Variants in RNF14 observed in about 807,000 individuals in gnomAD.
RNF14 encodes the protein ring finger protein 14.
RNF14 carries 26 observed loss-of-function variants against 52.6 expected under a neutral mutation model. The observed-to-expected ratio is 0.49, with a 90% CI of 0.36 to 0.69. RNF14 has a LOEUF of 0.69. RNF14 is among the 30% of genes least tolerant of loss of function. RNF14 has a pLI of 0.00. For synonymous variants in RNF14, 194 were observed against 202.0 expected (o/e 0.96, Z 0.34); for missense variants, 404 against 560.4 (o/e 0.72, Z 2.82).
At chr5:141,986,585 G>A (rs6887148) in intron 8 of RNF14, among the ~76,000 whole-genome samples, 1 of 152,152 alleles carries the variant, frequency 6.6e-6, no homozygotes, top group Non-Finnish European at 1.5e-5. Flanking sequence ...TTTATCCTTG[G>A]CCCTGGAGAA....
At chr5:141,974,768 C>T (rs376977493) in intron 3 of RNF14, 36 bp from the exon 4 acceptor site, 77 of 1,608,334 alleles carry the variant, frequency 4.8e-5, no homozygotes, top group East Asian at 6.7e-5. Flanking sequence ...CAAGTGTTGA[C>T]CAACTGATCC....
chr5:141,979,229 G>GTT (rs200221577), intron 5 of RNF14, among the ~76,000 whole-genome samples: 2,200 of 36,584 alleles, frequency 0.06, 55 homozygotes, highest in African/African-American at 0.2. Flanking sequence ...CTTAGGTGGT[G>GTT]GTGGTGTTGT....
rs771553634 is a variant in RNF14 at position 141,980,145 on chromosome 5, A to C, written c.857A>C (p.Glu286Ala). Reference protein sequence around the residue: ...PGQVKELVEAELFARYDRLLL... With the variant: ...PGQVKELVEAALFARYDRLLL... ...CAGGTCAAAGAGTTAGTGGAAGCAGAGTTATTTGCCCGTTATGACCGCCTT... is the reference window on the plus strand; with the variant it reads ...CAGGTCAAAGAGTTAGTGGAAGCAGCGTTATTTGCCCGTTATGACCGCCTT... Residue 286 changes from glutamate (E) to alanine (A), a missense_variant, in exon 6 of 9, where the codon GAG (glutamate) becomes GCG (alanine). Physicochemically the swap from Glu to Ala is moderately radical, Grantham distance 107. Transcript: ENST00000394520. 1.9e-6 allele frequency: 3 copies of C among 1,614,122 alleles called. No individual in the cohort carries two copies. The highest frequency in any genetic ancestry group is 2.5e-6 in the Non-Finnish European group (3 of 1,179,984).
rs528620332 is a variant in RNF14, at chr5:141,960,451, G to A, written c.-181+2026G>A. Among the ~76,000 whole-genome samples, 75 of 152,348 alleles carry A rather than the reference G, an allele frequency of 4.9e-4. No individual in the cohort carries two copies. The South Asian group carries it at 0.014, about 28-fold the overall frequency. On this transcript the variant is annotated intron_variant, in intron 1 of 4. Coordinates refer to the RNF14 transcript ENST00000506822. ...CAGGGGCAAAATGGGCAAAGGCCCC[G>A]AAGTGGGCAGGCTGGCTCCTGGCTG...
upstream of RNF14, among the ~76,000 whole-genome samples, chr5:141,967,436 C>T (rs552973255): frequency 5.2e-4 from 79 of 152,328 alleles, 1 homozygote; most frequent in South Asian, 0.015. Flanking sequence ...GTAGTATACA[C>T]TGCACCCTAT....
chr5:141,975,829 G>C lies in RNF14; in HGVS notation c.306+874G>C, dbSNP rs144068459. 3.7e-3 allele frequency among the ~76,000 whole-genome samples: 559 copies of C among 152,092 alleles called. 3 individuals are homozygous for C. The highest frequency in any genetic ancestry group is 0.013 in the African/African-American group (540 of 41,480). On this transcript the variant is annotated intron_variant, in intron 4 of 8. Transcript: ENST00000394520. ...AATCCCAGATACTTGGGAGGCTGAGGTGGGAGGATCACTTGAGCCTGGGTG... is the reference window on the plus strand; with the variant it reads ...AATCCCAGATACTTGGGAGGCTGAGCTGGGAGGATCACTTGAGCCTGGGTG...
chr5:141,963,316 T>G (rs548797471), upstream of RNF14: 1 of 151,906 alleles, frequency 6.6e-6, no homozygotes, highest in African/African-American at 2.4e-5. Flanking sequence ...TGAATAATTT[T>G]AGTATAAATA....
At chr5:141,982,289 A>T (rs62380048) in intron 6 of RNF14, among the ~76,000 whole-genome samples, 16,579 of 152,220 alleles carry the variant, frequency 0.11, 1,084 homozygotes, top group African/African-American at 0.18. Context: ...GAACACAAAA[A>T]TGCATTGAAT....
Position 141,984,812 on chromosome 5 carries a change from G to A in RNF14, c.1246G>A (p.Gly416Arg), listed in dbSNP as rs749010093. The change falls in exon 8 of 9, where the codon GGA becomes AGA. Residue 416 changes from glycine (G) to arginine (R), a missense_variant. Physicochemically the swap from Gly to Arg is moderately radical, Grantham distance 125 (BLOSUM62 -2). Transcript: ENST00000394520. The stretch of plus-strand genomic sequence containing the variant: ...CTATCCTTCCCACCAGAAATTAGAC[G>A]GATGTAACAAGATGACATGTACTGG... ...CCGTPIEKLD[G>R]CNKMTCTGCM... 1.1e-5 allele frequency: 17 copies of A among 1,613,416 alleles called. No individual in the cohort carries two copies. Among genetic ancestry groups the A allele is most frequent in the African/African-American group, 6.7e-5 (5 of 74,874 alleles).
chr5:141,957,184 G>A, upstream of RNF14: 2 of 1,614,180 alleles, frequency 1.2e-6, no homozygotes, highest in Non-Finnish European at 1.7e-6. This position sits in a 1 kb window ranked among gnomAD's most constrained non-coding sequence, Gnocchi z 4.3. Flanking sequence ...ACCTGACTTG[G>A]GGGGGTTCCC....
At chr5:141,963,623 T>A (rs1441506550), upstream of RNF14, among the ~76,000 whole-genome samples, 1 of 152,194 alleles carries the variant, frequency 6.6e-6, no homozygotes, top group East Asian at 1.9e-4. Flanking sequence ...AATCATTCAG[T>A]CATCCAGTCA....
At chr5:141,987,367 C>G (rs953321293) in intron 8 of RNF14, among the ~76,000 whole-genome samples, 1 of 152,168 alleles carries the variant, frequency 6.6e-6, no homozygotes, top group Non-Finnish European at 1.5e-5. Flanking sequence ...CATTGATGGT[C>G]AAACTTATTT....
chr5:141,955,728 C>T (rs755338256), upstream of RNF14: 4 of 1,614,164 alleles, frequency 2.5e-6, no homozygotes, highest in Non-Finnish European at 3.4e-6. The surrounding 1 kb of genome is among the most constrained non-coding windows in gnomAD (Gnocchi z 5.5). Context: ...AGGCCCCAGG[C>T]TTGCGGGCTG....
rs779951131 is a variant in RNF14, at chr5:141,983,487, A to T, written c.1171A>T (p.Met391Leu). The change falls in exon 7 of 9, where the codon ATG becomes TTG. Residue 391 changes from methionine to leucine, a missense_variant. Coordinates refer to ENST00000394520, the MANE Select transcript of RNF14 (RefSeq NM_004290.5). The stretch of plus-strand genomic sequence containing the variant: ...AGTGATTCAGAAGGCACTGGAAGAG[A>T]TGGAAAGTAAGGAGTGGCTAGAGAA... ...KRVIQKALEE[M>L]ESKEWLEKNS... 5 of 1,613,332 alleles carry T rather than the reference A, an allele frequency of 3.1e-6. No homozygotes were observed. In the South Asian group the frequency reaches 4.4e-5, roughly 14 times the overall value.
rs369460007 is a variant in RNF14, at chr5:141,979,224, G to GTTTTGTTGT, written c.834+395_834+396insTTTGTTGTT. On this transcript the variant is annotated intron_variant, in intron 5 of 8. Coordinates refer to ENST00000394520, the MANE Select transcript of RNF14 (RefSeq NM_004290.5). ...TTCAGCAGAAGTACAGCCTACTTAG[G>GTTTTGTTGT]TGGTGGTGGTGTTGTTGTTGTTGTT... Among the ~76,000 whole-genome samples the GTTTTGTTGT allele has an allele frequency of 3.6e-4, 26 of 72,056 alleles. 1 individual carries two copies. The highest frequency in any genetic ancestry group is 9.2e-4 in the Admixed American group (6 of 6,502). The allele number at this position is 72,056 out of a possible 152,430, so 47.3% of individuals were successfully genotyped here.
At chr5:141,965,615 C>G (rs918288549), upstream of RNF14, among the ~76,000 whole-genome samples, 1 of 152,212 alleles carries the variant, frequency 6.6e-6, no homozygotes, top group Non-Finnish European at 1.5e-5. Context: ...GAGAGTCAGA[C>G]TGATGAGGAA....
upstream of RNF14, chr5:141,957,439 C>T (rs1352978469): frequency 6.2e-7 from 1 of 1,612,528 alleles, no homozygotes; most frequent in East Asian, 2.2e-5. This position sits in a 1 kb window ranked among gnomAD's most constrained non-coding sequence, Gnocchi z 4.3. Context: ...CTCCTGCTCG[C>T]CTTTGGGAAA....
intron 2 of RNF14, among the ~76,000 whole-genome samples, chr5:141,971,951 G>A (rs1753820228): frequency 6.6e-6 from 1 of 152,040 alleles, no homozygotes; most frequent in African/African-American, 2.4e-5. Flanking sequence ...CCTGGGCCTT[G>A]TAGCTAAATT....
At chr5:141,957,321 A>T, upstream of RNF14, 2 of 1,613,366 alleles carry the variant, frequency 1.2e-6, no homozygotes, top group Admixed American at 3.3e-5. The surrounding 1 kb of genome is among the most constrained non-coding windows in gnomAD (Gnocchi z 4.3). Context: ...CAAAGTGCTC[A>T]CTGGGAGACA....
Sources: allele counts gnomAD v4.1 joint callset (sites outside exome capture counted in the v4.1 genomes callset), GRCh38; gene constraint gnomAD v4.1.1; non-coding constraint Gnocchi (gnomAD v3.1); transcripts MANE v1.5; gene names NCBI Gene and HGNC (gene_info 2026-07-23, HGNC 2026-07-21).